VSTM4: variants seen among roughly 807,000 people sequenced by gnomAD.
The protein encoded by VSTM4 is V-set and transmembrane domain containing 4.
VSTM4 carries 20 observed loss-of-function variants against 36.4 expected under a neutral mutation model. The ratio of observed to expected loss-of-function variants is 0.55; its 90% CI spans 0.39 to 0.80. The LOEUF is 0.80. Among genes scored for constraint, VSTM4 ranks in the 30% least tolerant of loss-of-function variants. The pLI is 0.00. For synonymous variants in VSTM4, 182 were observed against 173.9 expected (o/e 1.05, Z -0.37); for missense variants, 392 against 404.5 (o/e 0.97, Z 0.26).
chr10:49,092,404 G>C (rs935856247), intron 2 of VSTM4, among the ~76,000 whole-genome samples: 27 of 152,262 alleles, frequency 1.8e-4, no homozygotes, highest in African/African-American at 6.5e-4. Flanking sequence ...CAGGCCCTGG[G>C]CCTCAGTGTC....
At chr10:49,037,740 T>C (rs149580704) in intron 7 of VSTM4, among the ~76,000 whole-genome samples, 16 of 152,244 alleles carry the variant, frequency 1.1e-4, no homozygotes, top group African/African-American at 3.9e-4. Flanking sequence ...TATAAAGAAC[T>C]CCTACAATTC....
chr10:49,083,656 T>C (rs995298697), intron 3 of VSTM4, among the ~76,000 whole-genome samples: 1 of 152,344 alleles, frequency 6.6e-6, no homozygotes, highest in East Asian at 1.9e-4. Context: ...GCTACAGATT[T>C]CATGTAGAGA....
chr10:49,024,723 C>T (rs1298826653), intron 7 of VSTM4, among the ~76,000 whole-genome samples: 1 of 152,164 alleles, frequency 6.6e-6, no homozygotes, highest in Non-Finnish European at 1.5e-5. Flanking sequence ...GTGGCATCAC[C>T]TCCTCTCTAG....
intron 2 of VSTM4, among the ~76,000 whole-genome samples, chr10:49,100,012 T>TGAAAAAG (rs1326073795): frequency 5.3e-5 from 8 of 150,598 alleles, no homozygotes; most frequent in Non-Finnish European, 1.0e-4. Context: ...CCAGACTCCG[T>TGAAAAAG]GAAAAAGGAA....
intron 7 of VSTM4, among the ~76,000 whole-genome samples, chr10:49,022,903 G>A (rs1439987424): frequency 3.3e-5 from 5 of 152,116 alleles, no homozygotes; most frequent in Admixed American, 6.5e-5. Flanking sequence ...AATAACACTA[G>A]CTCTTTCAAT....
At chr10:49,060,787 T>C (rs533811139) in intron 5 of VSTM4, among the ~76,000 whole-genome samples, 22 of 152,340 alleles carry the variant, frequency 1.4e-4, no homozygotes, top group Admixed American at 8.5e-4. Flanking sequence ...CTAGAAATGT[T>C]GTAATTTTAG....
Position 49,107,943 on chromosome 10 carries a change from G to C in VSTM4, c.108C>G (p.Tyr36Ter). 6.2e-7 allele frequency: 1 copy of C among 1,610,724 alleles called. No homozygotes were observed. Among genetic ancestry groups the C allele is most frequent in the Non-Finnish European group, 8.5e-7 (1 of 1,178,290 alleles). ...GGAGAGTGGCATTCTCCCCCTCCAG[G>C]TAGTCAACCACGGGCCCCGGGGACA... ...VTVSPGPVVD[Y>*]LEGENATLLC... is the part of the protein sequence containing the mutation. Residue 36 changes from tyrosine to a stop codon, truncating the protein, a stop_gained, in exon 2 of 8, where the codon TAC becomes TAG. Transcript: ENST00000332853. LOFTEE classifies it high-confidence loss of function.
intron 2 of VSTM4, among the ~76,000 whole-genome samples, chr10:49,092,879 CT>C (rs1844501389): frequency 1.3e-5 from 2 of 152,134 alleles, no homozygotes; most frequent in Non-Finnish European, 2.9e-5. Flanking sequence ...CAGACAGGCA[CT>C]GGTATGTAGG....
intron 7 of VSTM4, among the ~76,000 whole-genome samples, chr10:49,031,276 C>T (rs953254395): frequency 2.0e-5 from 3 of 152,190 alleles, no homozygotes; most frequent in African/African-American, 7.2e-5. Flanking sequence ...TGTGTGACCT[C>T]GGACGAGGTA....
chr10:49,092,339 G>A (rs1418888554), intron 2 of VSTM4, among the ~76,000 whole-genome samples: 1 of 152,150 alleles, frequency 6.6e-6, no homozygotes, highest in Non-Finnish European at 1.5e-5. Context: ...TGCACTCCTA[G>A]AAGAAAGACT....
At chr10:49,058,683 C>A (rs1843824030) in intron 5 of VSTM4, among the ~76,000 whole-genome samples, 5 of 152,178 alleles carry the variant, frequency 3.3e-5, no homozygotes, top group Admixed American at 3.3e-4. Flanking sequence ...CTTTTCTTAG[C>A]AAGTCATGGA....
At chr10:49,077,382 C>T (rs570914601) in intron 3 of VSTM4, 56 bp from the exon 4 acceptor site, 38 of 1,497,186 alleles carry the variant, frequency 2.5e-5, no homozygotes, top group Admixed American at 6.7e-5. Flanking sequence ...AGCAGAAGTG[C>T]GCTGGCAAGA....
intron 1 of VSTM4, among the ~76,000 whole-genome samples, chr10:49,112,086 C>G (rs912446488): frequency 4.6e-5 from 7 of 152,196 alleles, no homozygotes; most frequent in African/African-American, 1.7e-4. Flanking sequence ...AACTGTACCC[C>G]ACTGTGGCCC....
At position 49,018,567 on chromosome 10, in the gene VSTM4, A is replaced by C. The variant is rs1843135161; in HGVS notation, c.*1083T>G. The C allele has an allele frequency of 6.6e-6, 1 of 152,192 alleles. No individual in the cohort carries two copies. The highest frequency in any genetic ancestry group is 2.4e-5 in the African/African-American group (1 of 41,424). The allele number at this position is 152,192 out of a possible 1,614,324, so 9.4% of individuals were successfully genotyped here. ...CATCAAGAAATGTCCTCAATAACACAGTTGACAGGATGGTGCTTTCAGAAT... is the reference window on the plus strand; with the variant it reads ...CATCAAGAAATGTCCTCAATAACACCGTTGACAGGATGGTGCTTTCAGAAT... On this transcript the variant is annotated 3_prime_UTR_variant, in exon 8 of 8. Coordinates refer to ENST00000332853, the MANE Select transcript of VSTM4 (RefSeq NM_001031746.5).
intron 7 of VSTM4, among the ~76,000 whole-genome samples, chr10:49,042,751 A>G (rs1178062162): frequency 6.6e-6 from 1 of 152,262 alleles, no homozygotes; most frequent in Non-Finnish European, 1.5e-5. Context: ...TGAAGAATAC[A>G]GCAGGAATCA....
intron 7 of VSTM4, among the ~76,000 whole-genome samples, chr10:49,037,512 T>C (rs61850678): frequency 0.16 from 24,115 of 152,248 alleles, 2,386 homozygotes; most frequent in Non-Finnish European, 0.23. Flanking sequence ...ATTCACTCCA[T>C]ATACATTGGC....
intron 2 of VSTM4, among the ~76,000 whole-genome samples, chr10:49,097,064 G>A (rs376845443): frequency 2.0e-5 from 3 of 152,068 alleles, no homozygotes; most frequent in Admixed American, 6.5e-5. Context: ...AGCAGCACAC[G>A]CTCCCTGGGG....
chr10:49,084,223 T>C (rs567831412), intron 3 of VSTM4, among the ~76,000 whole-genome samples: 1 of 152,286 alleles, frequency 6.6e-6, no homozygotes, highest in Admixed American at 6.5e-5. Flanking sequence ...ATTCTCTTAA[T>C]GAGAGGCTGA....
At chr10:49,053,483 G>A (rs954782998) in intron 5 of VSTM4, among the ~76,000 whole-genome samples, 11 of 152,270 alleles carry the variant, frequency 7.2e-5, no homozygotes, top group African/African-American at 1.9e-4. Flanking sequence ...TTACTTCCCC[G>A]GGCTTCCACC....
Sources: allele counts gnomAD v4.1 joint callset (sites outside exome capture counted in the v4.1 genomes callset), GRCh38; gene constraint gnomAD v4.1.1; transcripts MANE v1.5; gene names NCBI Gene and HGNC (gene_info 2026-07-23, HGNC 2026-07-21).